The following LY75 variants were observed in gnomAD, a reference collection of about 807,000 sequenced individuals.
LY75 encodes the protein lymphocyte antigen 75, also known as C-type lectin domain family 13 member B.
Under a neutral mutation model 231.7 loss-of-function variants are expected in LY75, and 185 were observed. That is an observed-to-expected ratio of 0.80 (90% CI 0.71 to 0.90). The LOEUF (loss-of-function observed/expected upper bound fraction) is 0.90, where lower values mean the gene tolerates loss of function less well. Among genes scored for constraint, LY75 ranks in the 40% least tolerant of loss-of-function variants. The pLI is 0.00. For synonymous variants in LY75, 668 were observed against 689.0 expected (o/e 0.97, Z 0.48); for missense variants, 1,947 against 2,050.2 (o/e 0.95, Z 0.97).
At chr2:159,833,518 T>C (rs762106637) in intron 27 of LY75, among the ~76,000 whole-genome samples, 3 of 152,246 alleles carry the variant, frequency 2.0e-5, no homozygotes, top group Non-Finnish European at 4.4e-5. Context: ...CTTTCCATTT[T>C]AACTAACACA....
At chr2:159,879,435 T>C (rs1685371502) in intron 8 of LY75, 66 bp from the exon 9 acceptor site, 3 of 1,587,920 alleles carry the variant, frequency 1.9e-6, no homozygotes, top group Admixed American at 1.8e-5. Flanking sequence ...AGAACTGAAC[T>C]CACAAAAACT....
intron 25 of LY75, among the ~76,000 whole-genome samples, chr2:159,839,641 T>C (rs1683941257): frequency 6.6e-6 from 1 of 152,168 alleles, no homozygotes; most frequent in Non-Finnish European, 1.5e-5. Context: ...TGGGCTCAAG[T>C]TATCCTCTTG....
At chr2:159,816,711 C>T in intron 30 of LY75, 95 bp downstream of exon 30, 1 of 1,513,584 alleles carries the variant, frequency 6.6e-7, no homozygotes, top group Non-Finnish European at 8.9e-7. Flanking sequence ...AGTACTTCAT[C>T]TAATGTTGTA....
chr2:159,881,374 T>A, intron 7 of LY75, 134 bp from the exon 8 acceptor site: 1 of 1,080,432 alleles, frequency 9.3e-7, no homozygotes, highest in African/African-American at 1.6e-5. Context: ...GTTATTAATA[T>A]GTTGATACGA....
intron 7 of LY75, 114 bp from the exon 8 acceptor site, chr2:159,881,354 T>G: frequency 8.0e-7 from 1 of 1,253,086 alleles, no homozygotes; most frequent in Non-Finnish European, 1.1e-6. Flanking sequence ...TTTGTAGTAT[T>G]CTTAATTCGG....
At chr2:159,833,141 T>TG (rs1683717076) in intron 27 of LY75, among the ~76,000 whole-genome samples, 2 of 151,590 alleles carry the variant, frequency 1.3e-5, no homozygotes, top group Admixed American at 1.3e-4. Context: ...TTTTTTTTTT[T>TG]TTTTTGGAGA....
At chr2:159,865,453 T>C (rs1436996024) in intron 13 of LY75, among the ~76,000 whole-genome samples, 1 of 152,124 alleles carries the variant, frequency 6.6e-6, no homozygotes, top group African/African-American at 2.4e-5. Context: ...TAAGTGATTA[T>C]ACTTATCACC....
intron 12 of LY75, among the ~76,000 whole-genome samples, chr2:159,874,209 A>AAACGTATATATATT (rs1157651687): frequency 3.8e-4 from 12 of 31,504 alleles, no homozygotes; most frequent in East Asian, 1.4e-3. Context: ...AAATATATAT[A>AAACGTATATATATT]GTAAATATAT....
At position 159,860,861 on chromosome 2, in the gene LY75, A is replaced by G; in HGVS notation, c.2228T>C (p.Phe743Ser). ...GTCTCTGATGTCATAATCCTGCTGAAACTCATTTGGCATGATAATAGTAGA... is the reference window on the plus strand; with the variant it reads ...GTCTCTGATGTCATAATCCTGCTGAGACTCATTTGGCATGATAATAGTAGA... ...PVSTIIMPNE[F>S]QQDYDIRDCA... Residue 743 changes from phenylalanine to serine, a missense_variant, in exon 15 of 35, where the codon TTT (phenylalanine) becomes TCT (serine). Phe to Ser is a radical substitution (Grantham distance 155, BLOSUM62 -2). Coordinates refer to ENST00000263636, the MANE Select transcript of LY75 (RefSeq NM_002349.4). 6.2e-7 allele frequency: 1 copy of G among 1,614,022 alleles called. No homozygotes were observed. Among genetic ancestry groups the G allele is most frequent in the Non-Finnish European group, 8.5e-7 (1 of 1,179,904 alleles).
At chr2:159,898,461 A>T (rs1685965724) in intron 2 of LY75, among the ~76,000 whole-genome samples, 1 of 152,124 alleles carries the variant, frequency 6.6e-6, no homozygotes, top group South Asian at 2.1e-4. Context: ...TGGCTGTGTG[A>T]CCTCAGACAA....
At chr2:159,826,392 C>T (rs150405565) in intron 28 of LY75, among the ~76,000 whole-genome samples, 61 of 152,128 alleles carry the variant, frequency 4.0e-4, no homozygotes, top group Admixed American at 6.5e-5. Flanking sequence ...AGGAATACAA[C>T]TTACCTGGGA....
chr2:159,865,404 C>T (rs1207521461), intron 13 of LY75, among the ~76,000 whole-genome samples: 3 of 151,782 alleles, frequency 2.0e-5, no homozygotes, highest in African/African-American at 7.3e-5. Context: ...TGCCTATGTG[C>T]CAAAGAAATA....
intron 1 of LY75, among the ~76,000 whole-genome samples, chr2:159,900,396 T>C (rs1044635293): frequency 2.0e-5 from 3 of 152,232 alleles, no homozygotes; most frequent in Admixed American, 2.0e-4. Context: ...GCACAAATCA[T>C]GTTGATAAGA....
intron 2 of LY75, among the ~76,000 whole-genome samples, chr2:159,894,830 T>C (rs1001763044): frequency 6.6e-6 from 1 of 152,156 alleles, no homozygotes; most frequent in African/African-American, 2.4e-5. Flanking sequence ...AACTGAAAAG[T>C]GATTCCAACC....
At chr2:159,861,476 A>G (rs1684696811) in intron 14 of LY75, among the ~76,000 whole-genome samples, 1 of 152,228 alleles carries the variant, frequency 6.6e-6, no homozygotes, top group Non-Finnish European at 1.5e-5. Context: ...GGCCAGGCAC[A>G]GTGACTCATG....
chr2:159,899,981 T>A (rs997039556), intron 1 of LY75, among the ~76,000 whole-genome samples: 1 of 152,132 alleles, frequency 6.6e-6, no homozygotes, highest in South Asian at 2.1e-4. Flanking sequence ...CCTGGGGGGA[T>A]TGACAGTGTG....
In LY75 at chr2:159,898,906, C is replaced by T. The variant is rs764425408; in HGVS notation, c.248G>A (p.Cys83Tyr). The change falls in exon 2 of 35, where the codon TGC becomes TAC. Residue 83 changes from cysteine to tyrosine, a missense_variant. By Grantham distance (194) the Cys-to-Tyr change is radical. Transcript: ENST00000263636. ...HRLFHLHSQK[C>Y]LGLDITKSVN... ...CGATTTGGTAATATCGAGGCCAAGG[C>T]ACTTTTGGGAGTGCAAATGAAAGAG... 1 of 1,614,228 alleles carries T rather than the reference C, an allele frequency of 6.2e-7. No homozygotes were observed. Among genetic ancestry groups the T allele is most frequent in the South Asian group, 1.1e-5 (1 of 91,086 alleles).
intron 14 of LY75, among the ~76,000 whole-genome samples, chr2:159,861,622 C>T (rs970530771): frequency 2.0e-5 from 3 of 150,874 alleles, no homozygotes; most frequent in Non-Finnish European, 4.4e-5. Flanking sequence ...GTGGCATGTG[C>T]CTGTACTTGA....
intron 33 of LY75, chr2:159,807,823 AG>A: frequency 7.2e-6 from 7 of 970,448 alleles, no homozygotes; most frequent in Non-Finnish European, 7.4e-6. Flanking sequence ...ACCAATTCCA[AG>A]TTCACCTAAA....
Sources: gnomAD v4.1 joint callset for allele counts (sites outside exome capture counted in the v4.1 genomes callset) on GRCh38, gnomAD v4.1.1 for gene constraint, MANE v1.5 for transcripts, NCBI Gene and HGNC (gene_info 2026-07-23, HGNC 2026-07-21) for gene names.